The following HPSE2 variants were observed in gnomAD, a reference collection of about 807,000 sequenced individuals.
The protein encoded by HPSE2 is inactive heparanase-2.
A neutral mutation model predicts 60.5 loss-of-function variants in HPSE2; 38 were observed. The ratio of observed to expected loss-of-function variants is 0.63; its 90% CI spans 0.48 to 0.82. HPSE2 has a LOEUF of 0.82. Among genes scored for constraint, HPSE2 ranks in the 40% least tolerant of loss-of-function variants. The pLI is 0.00. For synonymous variants in HPSE2, 295 were observed against 293.2 expected (o/e 1.01, Z -0.06); for missense variants, 713 against 740.4 (o/e 0.96, Z 0.43).
intron 3 of HPSE2, among the ~76,000 whole-genome samples, chr10:98,956,709 T>C (rs1036775750): frequency 6.6e-6 from 1 of 152,190 alleles, no homozygotes; most frequent in Non-Finnish European, 1.5e-5. Flanking sequence ...TTGGTTTACA[T>C]TTCATTAGCC....
chr10:98,660,613 T>A (rs980130191), intron 6 of HPSE2, among the ~76,000 whole-genome samples: 2 of 152,226 alleles, frequency 1.3e-5, no homozygotes, highest in Non-Finnish European at 2.9e-5. Flanking sequence ...AGGCAATTCT[T>A]GGCATCAGCT....
chr10:99,106,583 T>G (rs1765785696), intron 3 of HPSE2, among the ~76,000 whole-genome samples: 1 of 151,632 alleles, frequency 6.6e-6, no homozygotes, highest in South Asian at 2.1e-4. Context: ...TTGAATTGAC[T>G]TTGTTAGTAA....
chr10:98,807,441 C>T (rs774099141), intron 3 of HPSE2, among the ~76,000 whole-genome samples: 67 of 152,256 alleles, frequency 4.4e-4, no homozygotes, highest in Non-Finnish European at 5.9e-4. Context: ...CTTTTTTGCT[C>T]TAAGCCTCAG....
the HPSE2 span, among the ~76,000 whole-genome samples, chr10:99,300,660 G>A: frequency 6.6e-6 from 1 of 152,192 alleles, no homozygotes. Context: ...AACAGGCCAG[G>A]AAGGGACACT....
rs370296017 is a variant in HPSE2 at position 98,828,680 on chromosome 10, T to C, written c.611-84624A>G. On this transcript the variant is annotated intron_variant, in intron 3 of 11. Transcript: ENST00000370552. ...ACTTCACATCCATTAGAATGACTAT[T>C]ACAATAAACAAACAAAAACCCCAGA... Among the ~76,000 whole-genome samples the C allele has an allele frequency of 9.2e-5, 14 of 152,352 alleles. No homozygotes were observed. In the East Asian group the frequency reaches 2.3e-3, roughly 25 times the overall value.
intron 3 of HPSE2, among the ~76,000 whole-genome samples, chr10:99,108,212 G>A (rs1365946825): frequency 6.6e-6 from 1 of 152,158 alleles, no homozygotes; most frequent in African/African-American, 2.4e-5. Context: ...TAACTAGGCA[G>A]TTGGAAAAGT....
chr10:99,169,272 G>A (rs559470333), intron 2 of HPSE2, among the ~76,000 whole-genome samples: 39 of 149,166 alleles, frequency 2.6e-4, no homozygotes, highest in African/African-American at 7.7e-4. Context: ...TTAGGAGACC[G>A]AGGCAGGCGG....
chr10:98,922,581 C>T (rs556941679), intron 3 of HPSE2, among the ~76,000 whole-genome samples: 8 of 152,202 alleles, frequency 5.3e-5, no homozygotes, highest in East Asian at 1.9e-4. Context: ...GCCCTGTATA[C>T]GTGGAATTAA....
At position 99,235,537 on chromosome 10, in the gene HPSE2, T is replaced by A; in HGVS notation, c.266A>T (p.His89Leu). The change falls in exon 1 of 12, where the codon CAT (histidine) becomes CTT (leucine). Residue 89 changes from histidine (H) to leucine (L), a missense_variant. His to Leu is a moderately conservative substitution (Grantham distance 99). Coordinates refer to ENST00000370552, the MANE Select transcript of HPSE2 (RefSeq NM_021828.5). ...LSLQLDPSII[H>L]DGWLDFLSSK... is the part of the protein sequence containing the mutation. ...CCTTAGGAAATCGAGCCAGCCATCATGAATGATGGACGGATCCAGCTGCAG... is the reference window on the plus strand; with the variant it reads ...CCTTAGGAAATCGAGCCAGCCATCAAGAATGATGGACGGATCCAGCTGCAG... 1 of 1,614,142 alleles carries A rather than the reference T, an allele frequency of 6.2e-7. No individual in the cohort carries two copies. The highest frequency in any genetic ancestry group is 1.1e-5 in the South Asian group (1 of 91,068).
intron 3 of HPSE2, among the ~76,000 whole-genome samples, chr10:99,081,653 T>A (rs1327177162): frequency 6.6e-6 from 1 of 151,750 alleles, no homozygotes; most frequent in African/African-American, 2.4e-5. Context: ...TTTTTTTTTT[T>A]AAAGACGGAA....
chr10:99,059,950 A>G (rs1010981174), intron 3 of HPSE2, among the ~76,000 whole-genome samples: 1 of 152,100 alleles, frequency 6.6e-6, no homozygotes, highest in African/African-American at 2.4e-5. Context: ...TTATAACAAT[A>G]TAAAATTCTA....
chr10:99,233,199 GCAC>G (rs1169361347), intron 1 of HPSE2, among the ~76,000 whole-genome samples: 3 of 144,272 alleles, frequency 2.1e-5, no homozygotes, highest in Non-Finnish European at 1.6e-5. Context: ...CTCCACTCCC[GCAC>G]CACCACCACC....
chr10:99,132,140 A>AG (rs1845411646), intron 3 of HPSE2, among the ~76,000 whole-genome samples: 1 of 33,002 alleles, frequency 3.0e-5, no homozygotes, highest in African/African-American at 5.2e-5. Context: ...AAGGAAAGAA[A>AG]GAAAGGAAGA....
intron 1 of HPSE2, among the ~76,000 whole-genome samples, chr10:99,234,944 A>G (rs1371452891): frequency 6.6e-6 from 1 of 152,180 alleles, no homozygotes; most frequent in East Asian, 1.9e-4. Flanking sequence ...AAAATAAAAA[A>G]TTTTAACTCC....
intron 5 of HPSE2, among the ~76,000 whole-genome samples, chr10:98,720,220 A>G (rs1948889028): frequency 6.6e-6 from 1 of 152,134 alleles, no homozygotes; most frequent in Non-Finnish European, 1.5e-5. Context: ...TGAACAAAGG[A>G]AAAGACTGAT....
chr10:98,710,186 G>T lies in HPSE2; in HGVS notation c.956+11471C>A, dbSNP rs56014404. Reference sequence around the variant, plus strand: ...ACTTTTTCATGGTTAATTATATGTCGAGCTAGACTGGGTGCTACATAGAAG... The same window carrying T: ...ACTTTTTCATGGTTAATTATATGTCTAGCTAGACTGGGTGCTACATAGAAG... On this transcript the variant is annotated intron_variant, in intron 5 of 11. Coordinates refer to ENST00000370552, the MANE Select transcript of HPSE2 (RefSeq NM_021828.5). Among the ~76,000 whole-genome samples the T allele has an allele frequency of 4.6e-3, 701 of 152,016 alleles. 3 individuals are homozygous for T. The highest frequency in any genetic ancestry group is 7.2e-3 in the Non-Finnish European group (492 of 67,970).
chr10:98,750,793 G>A (rs1949740884), intron 3 of HPSE2, among the ~76,000 whole-genome samples: 2 of 152,166 alleles, frequency 1.3e-5, no homozygotes, highest in South Asian at 4.1e-4. Flanking sequence ...GGCATGTTAA[G>A]TTTGTAATGT....
chr10:98,952,061 T>C (rs1955371246), intron 3 of HPSE2, among the ~76,000 whole-genome samples: 1 of 152,320 alleles, frequency 6.6e-6, no homozygotes, highest in South Asian at 2.1e-4. Flanking sequence ...GATGGCAGAT[T>C]TGAATTGCTG....
At chr10:98,603,793 G>A (rs991873175) in intron 9 of HPSE2, among the ~76,000 whole-genome samples, 7 of 151,918 alleles carry the variant, frequency 4.6e-5, no homozygotes, top group Admixed American at 1.3e-4. Flanking sequence ...TACCCTGTTG[G>A]GGTATTATCA....
Sources: gnomAD v4.1 joint callset for allele counts (sites outside exome capture counted in the v4.1 genomes callset) on GRCh38, gnomAD v4.1.1 for gene constraint, MANE v1.5 for transcripts, NCBI Gene and HGNC (gene_info 2026-07-23, HGNC 2026-07-21) for gene names.